OPCML: variants seen among roughly 807,000 people sequenced by gnomAD.
OPCML encodes the protein opioid binding protein/cell adhesion molecule like.
Under a neutral mutation model 37.8 loss-of-function variants are expected in OPCML, and 13 were observed. That is an observed-to-expected ratio of 0.34 (90% CI 0.22 to 0.55). The LOEUF (loss-of-function observed/expected upper bound fraction) is 0.55, where lower values mean the gene tolerates loss of function less well. OPCML is among the 20% of genes least tolerant of loss of function. OPCML has a pLI of 0.91. For missense variants in OPCML, 341 were observed against 435.6 expected, an observed-to-expected ratio of 0.78 and a Z score of 1.93; for synonymous variants, 176 against 168.8, an observed-to-expected ratio of 1.04 and a Z score of -0.33.
chr11:132,617,272 A>G (rs979848699), intron 3 of OPCML, among the ~76,000 whole-genome samples: 1 of 152,224 alleles, frequency 6.6e-6, no homozygotes, highest in Non-Finnish European at 1.5e-5. Context: ...TTTATTTTGG[A>G]GGAGAGACAG....
intron 3 of OPCML, among the ~76,000 whole-genome samples, chr11:132,570,648 G>A (rs1317669368): frequency 6.7e-6 from 1 of 149,900 alleles, no homozygotes; most frequent in Non-Finnish European, 1.5e-5. Flanking sequence ...AAAGAAGCAG[G>A]GGAAATAATA....
chr11:132,469,499 G>C (rs1021232881), intron 4 of OPCML, among the ~76,000 whole-genome samples: 17 of 150,614 alleles, frequency 1.1e-4, no homozygotes, highest in Admixed American at 3.3e-4. Flanking sequence ...GTGTGTGTAT[G>C]TATGTGTGTG....
At chr11:132,654,412 G>A (rs1227884902) in intron 3 of OPCML, among the ~76,000 whole-genome samples, 3 of 151,852 alleles carry the variant, frequency 2.0e-5, no homozygotes, top group Non-Finnish European at 2.9e-5. Flanking sequence ...TCCTCCCCAA[G>A]AGAATGTCCT....
intron 3 of OPCML, among the ~76,000 whole-genome samples, chr11:132,633,915 T>C (rs1211938735): frequency 6.6e-6 from 1 of 151,976 alleles, no homozygotes; most frequent in Non-Finnish European, 1.5e-5. Context: ...AGGCTGGGGG[T>C]GGAAGTCAGG....
chr11:132,643,886 C>A (rs1941004722), intron 3 of OPCML, among the ~76,000 whole-genome samples: 1 of 152,130 alleles, frequency 6.6e-6, no homozygotes, highest in Non-Finnish European at 1.5e-5. Context: ...CATCCTGAAT[C>A]AAAAAATTGA....
intron 1 of OPCML, among the ~76,000 whole-genome samples, chr11:133,168,252 G>A (rs1047275744): frequency 3.9e-5 from 6 of 152,230 alleles, no homozygotes; most frequent in East Asian, 3.9e-4. Context: ...CTCCAGGGAT[G>A]TGCTTTCCTC....
chr11:132,710,671 G>A lies in OPCML; in HGVS notation c.147-53352C>T, dbSNP rs562926186. Reference sequence around the variant, plus strand: ...ACTTTGAGACCAGCTTGGCCAACATGTATCTACTAAAAAATACAAAAAAAA... The same window carrying A: ...ACTTTGAGACCAGCTTGGCCAACATATATCTACTAAAAAATACAAAAAAAA... On this transcript the variant is annotated intron_variant, in intron 2 of 7. Transcript: ENST00000524381. 5.7e-5 allele frequency among the ~76,000 whole-genome samples: 8 copies of A among 139,530 alleles called. No individual in the cohort carries two copies. The South Asian group carries it at 1.2e-3, about 21-fold the overall frequency. 91.5% of individuals were successfully genotyped at this position (139,530 alleles called of 152,430 possible). A position where few individuals can be genotyped will look rare whatever the true frequency, so the allele number is the denominator to read the frequency against.
chr11:133,149,282 A>G (rs553110676), intron 1 of OPCML, among the ~76,000 whole-genome samples: 55 of 152,332 alleles, frequency 3.6e-4, no homozygotes, highest in Non-Finnish European at 7.5e-4. Context: ...AGCAGGTCCT[A>G]CGGGAGATTC....
chr11:133,162,615 T>C (rs922421876), intron 1 of OPCML, among the ~76,000 whole-genome samples: 2 of 152,158 alleles, frequency 1.3e-5, no homozygotes, highest in African/African-American at 4.8e-5. Flanking sequence ...GATTTGGTGG[T>C]AAACAGGGGT....
chr11:133,305,671 C>T (rs1400551353), intron 1 of OPCML, among the ~76,000 whole-genome samples: 1 of 152,156 alleles, frequency 6.6e-6, no homozygotes, highest in Non-Finnish European at 1.5e-5. Context: ...TTTATGTAGA[C>T]CAGCATCTGC....
chr11:132,906,928 A>G (rs1944262296), intron 2 of OPCML, among the ~76,000 whole-genome samples: 1 of 152,204 alleles, frequency 6.6e-6, no homozygotes, highest in Non-Finnish European at 1.5e-5. Flanking sequence ...GCATATGGTA[A>G]AAGACATCCA....
At chr11:133,389,656 G>A (rs145631624) in intron 1 of OPCML, among the ~76,000 whole-genome samples, 3,018 of 152,054 alleles carry the variant, frequency 0.02, 57 homozygotes, top group Admixed American at 0.057. Flanking sequence ...TTTGCTTGAG[G>A]CTTGGACCTC....
intron 3 of OPCML, among the ~76,000 whole-genome samples, chr11:132,575,011 C>T (rs780992969): frequency 5.6e-4 from 85 of 152,008 alleles, no homozygotes; most frequent in Middle Eastern, 6.8e-3. Flanking sequence ...CAAGGTGCTT[C>T]TTGGTCTCTT....
chr11:133,346,653 C>G (rs75678803), intron 1 of OPCML, among the ~76,000 whole-genome samples: 1,545 of 152,212 alleles, frequency 0.01, 24 homozygotes, highest in African/African-American at 0.035. Flanking sequence ...TTCAAGTAAG[C>G]TTTAAAGAAA....
At chr11:133,443,548 T>A (rs912997646) in intron 1 of OPCML, among the ~76,000 whole-genome samples, 5 of 152,216 alleles carry the variant, frequency 3.3e-5, no homozygotes, top group Non-Finnish European at 5.9e-5. Flanking sequence ...CAACACTTCA[T>A]CCTGGCTGGA....
At chr11:132,520,672 A>ATG (rs1435561380) in intron 4 of OPCML, among the ~76,000 whole-genome samples, 73 of 41,130 alleles carry the variant, frequency 1.8e-3, no homozygotes, top group African/African-American at 4.4e-3. Context: ...AACTAAATAT[A>ATG]TATGTGTGTG....
intron 1 of OPCML, among the ~76,000 whole-genome samples, chr11:133,225,048 C>T (rs116844140): frequency 0.015 from 2,326 of 152,294 alleles, 28 homozygotes; most frequent in Non-Finnish European, 0.024. Context: ...CCATGAAGTA[C>T]TTGGGGGACA....
intron 1 of OPCML, among the ~76,000 whole-genome samples, chr11:133,191,337 A>G (rs1171589492): frequency 6.6e-6 from 1 of 152,146 alleles, no homozygotes; most frequent in Non-Finnish European, 1.5e-5. Flanking sequence ...TTTATTATAA[A>G]ATGCAAGAGT....
At chr11:133,048,040 C>A (rs879751742) in intron 1 of OPCML, among the ~76,000 whole-genome samples, 13 of 152,134 alleles carry the variant, frequency 8.5e-5, no homozygotes, top group Non-Finnish European at 1.8e-4. Flanking sequence ...TCCTGCCCCA[C>A]CCTGCCCAGA....
Sources: allele counts gnomAD v4.1 joint callset (sites outside exome capture counted in the v4.1 genomes callset), GRCh38; gene constraint gnomAD v4.1.1; transcripts MANE v1.5; gene names NCBI Gene and HGNC (gene_info 2026-07-23, HGNC 2026-07-21).